GDAP1L1: variants seen among roughly 807,000 people sequenced by gnomAD.
GDAP1L1 encodes ganglioside-induced differentiation-associated protein 1-like 1.
Under a neutral mutation model 37.1 loss-of-function variants are expected in GDAP1L1, and 21 were observed. The observed-to-expected ratio is 0.57, with a 90% confidence interval of 0.40 to 0.81. The LOEUF (loss-of-function observed/expected upper bound fraction) is 0.81. GDAP1L1 is among the 40% of genes least tolerant of loss of function. GDAP1L1 has a pLI of 0.00. For missense variants in GDAP1L1, 362 were observed against 491.6 expected (o/e 0.74, Z 2.49); for synonymous variants, 193 against 209.1 (o/e 0.92, Z 0.67).
Position 44,279,405 on chromosome 20 carries a change from C to A in GDAP1L1, c.*105C>A. 1 of 776,182 alleles carries A rather than the reference C, an allele frequency of 1.3e-6. No individual in the cohort carries two copies. The highest frequency in any genetic ancestry group is 2.3e-6 in the Non-Finnish European group (1 of 440,292). 48.1% of individuals were successfully genotyped at this position (776,182 alleles called of 1,614,324 possible). On this transcript the variant is annotated 3_prime_UTR_variant, in exon 6 of 6. Transcript: ENST00000342560. The stretch of plus-strand genomic sequence containing the variant: ...TCTCATGAACACTTGGACAGCCCTC[C>A]CCGCCCTTCGTTCTGAGTAATAATA...
chr20:44,276,452 G>GAAAGAAAAGAAAT (rs2062581471), intron 5 of GDAP1L1, among the ~76,000 whole-genome samples: 1 of 149,630 alleles, frequency 6.7e-6, no homozygotes, highest in African/African-American at 2.5e-5. Flanking sequence ...AAGAAAGAAA[G>GAAAGAAAAGAAAT]AAAGAAAGAA....
chr20:44,259,679 T>A (rs994472143), intron 3 of GDAP1L1, among the ~76,000 whole-genome samples: 12 of 152,112 alleles, frequency 7.9e-5, no homozygotes, highest in Non-Finnish European at 1.2e-4. Context: ...GTATTTTTGG[T>A]AGAGATGAGG....
intron 3 of GDAP1L1, among the ~76,000 whole-genome samples, chr20:44,261,405 G>T (rs1056844020): frequency 6.6e-6 from 1 of 152,222 alleles, no homozygotes; most frequent in Non-Finnish European, 1.5e-5. Flanking sequence ...GTCAGGACAG[G>T]AGATGGGGCA....
chr20:44,258,994 G>C (rs1408020523), intron 3 of GDAP1L1, among the ~76,000 whole-genome samples: 2 of 149,880 alleles, frequency 1.3e-5, no homozygotes, highest in Non-Finnish European at 3.0e-5. Context: ...CTATGGGGCT[G>C]TCTGTCCCCA....
intron 5 of GDAP1L1, among the ~76,000 whole-genome samples, chr20:44,277,250 A>C (rs1192138026): frequency 6.6e-6 from 1 of 152,166 alleles, no homozygotes; most frequent in East Asian, 1.9e-4. Flanking sequence ...TACAGGCGTG[A>C]GCCACGGCGC....
chr20:44,272,639 A>C (rs1378789826), intron 5 of GDAP1L1, among the ~76,000 whole-genome samples: 2 of 152,142 alleles, frequency 1.3e-5, no homozygotes, highest in African/African-American at 4.8e-5. Flanking sequence ...CAAAGGGAAC[A>C]CACAAGTAGA....
chr20:44,247,534 C>T lies in GDAP1L1; in HGVS notation c.180+20C>T, dbSNP rs928433854. ...CAGAAGGTAGAGCCGGGCCGGGAGC[C>T]GCCTGCGCCGGTGGCCAGGAAGCTT... On this transcript the variant is annotated intron_variant, in intron 1 of 5. Transcript: ENST00000342560. 1.4e-5 allele frequency: 21 copies of T among 1,470,936 alleles called. No homozygotes were observed. In the Admixed American group the frequency reaches 3.6e-4, roughly 26 times the overall value. 91.1% of individuals were successfully genotyped at this position (1,470,936 alleles called of 1,614,324 possible).
At chr20:44,267,834 T>C (rs1190265988) in intron 5 of GDAP1L1, among the ~76,000 whole-genome samples, 1 of 152,138 alleles carries the variant, frequency 6.6e-6, no homozygotes, top group Non-Finnish European at 1.5e-5. Flanking sequence ...ATGCATTCCT[T>C]GTGGGATTCC....
chr20:44,248,915 G>A (rs1176641270), intron 1 of GDAP1L1, among the ~76,000 whole-genome samples: 1 of 152,176 alleles, frequency 6.6e-6, no homozygotes, highest in African/African-American at 2.4e-5. Context: ...CTGTAAAATG[G>A]GGTGAATGCA....
At chr20:44,249,711 C>A (rs1458629129) in intron 1 of GDAP1L1, among the ~76,000 whole-genome samples, 1 of 152,222 alleles carries the variant, frequency 6.6e-6, no homozygotes, top group African/African-American at 2.4e-5. Context: ...TTGACCAAGT[C>A]TCTGGCCAAG....
At chr20:44,257,000 C>T (rs1007889766) in intron 1 of GDAP1L1, 153 bp from the exon 2 acceptor site, 1 of 343,062 alleles carries the variant, frequency 2.9e-6, no homozygotes. Context: ...GGAGATATCC[C>T]CCCAAACCCA....
At chr20:44,256,985 C>T (rs2073561249) in intron 1 of GDAP1L1, among the ~76,000 whole-genome samples, 168 bp from the exon 2 acceptor site, 1 of 152,196 alleles carries the variant, frequency 6.6e-6, no homozygotes, top group African/African-American at 2.4e-5. Flanking sequence ...AGGCACATGC[C>T]CCTGGGAGAT....
At chr20:44,254,698 T>C (rs764081855) in intron 1 of GDAP1L1, among the ~76,000 whole-genome samples, 2 of 152,222 alleles carry the variant, frequency 1.3e-5, no homozygotes, top group South Asian at 4.1e-4. Flanking sequence ...GCCCAGGGTC[T>C]CTACCTGCAC....
intron 5 of GDAP1L1, among the ~76,000 whole-genome samples, chr20:44,276,129 C>A (rs1600567868): frequency 6.6e-6 from 1 of 151,230 alleles, no homozygotes; most frequent in South Asian, 2.1e-4. Flanking sequence ...CAAGACCAGC[C>A]TGGCCAACGT....
intron 3 of GDAP1L1, among the ~76,000 whole-genome samples, chr20:44,259,249 T>A (rs1324467418): frequency 6.6e-6 from 1 of 152,188 alleles, no homozygotes; most frequent in African/African-American, 2.4e-5. Flanking sequence ...GGGTGTTGGA[T>A]TAAATCAGAT....
chr20:44,279,517 G>A lies in GDAP1L1; in HGVS notation c.*217G>A. On this transcript the variant is annotated 3_prime_UTR_variant, in exon 6 of 6. Coordinates refer to ENST00000342560, the MANE Select transcript of GDAP1L1 (RefSeq NM_024034.6). ...CCACGGCTCTACTAAAAGAGAGAGA[G>A]GAAGCGAGAGAGAGAGAGAAAAAAC... 2.8e-6 allele frequency: 2 copies of A among 702,338 alleles called. No homozygotes were observed. Among genetic ancestry groups the A allele is most frequent in the South Asian group, 3.0e-5 (2 of 66,680 alleles). The allele number at this position is 702,338 out of a possible 1,614,324, so 43.5% of individuals were successfully genotyped here.
rs549256831 is a variant in GDAP1L1, at chr20:44,258,435, G to A, written c.375G>A (p.Glu125=). 4.2e-4 allele frequency: 653 copies of A among 1,550,160 alleles called. 9 individuals are homozygous for A. In the South Asian group the frequency reaches 7.4e-3, roughly 18 times the overall value. The stretch of plus-strand genomic sequence containing the variant: ...CCCAGCCCCTGGCGGTGCCCACAGA[G>A]CACGTGGTGGCCCTGATGCCCGAGG... The part of the protein sequence containing the change: ...IDYVERTFTG[E]HVVALMPEVG... Residue 125 remains glutamate, a splice_region_variant and synonymous_variant, in exon 3 of 6, where the codon GAG becomes GAA. Coordinates refer to ENST00000342560, the MANE Select transcript of GDAP1L1 (RefSeq NM_024034.6).
chr20:44,261,761 G>A (rs753592465), intron 3 of GDAP1L1, among the ~76,000 whole-genome samples: 1 of 152,196 alleles, frequency 6.6e-6, no homozygotes, highest in African/African-American at 2.4e-5. Context: ...CCTGGCAGAA[G>A]TCTGTAGGGC....
intron 3 of GDAP1L1, among the ~76,000 whole-genome samples, chr20:44,262,883 C>T (rs1420932504): frequency 6.8e-6 from 1 of 147,012 alleles, no homozygotes; most frequent in African/African-American, 2.5e-5. Context: ...ACCTGGCTAA[C>T]TTTTTTTTTT....
Sources: allele counts gnomAD v4.1 joint callset (sites outside exome capture counted in the v4.1 genomes callset), GRCh38; gene constraint gnomAD v4.1.1; transcripts MANE v1.5; gene names NCBI Gene and HGNC (gene_info 2026-07-23, HGNC 2026-07-21).